The following PCDHA1 variants were observed in gnomAD, a reference collection of about 807,000 sequenced individuals.
The protein encoded by PCDHA1 is protocadherin alpha 1, also known as protocadherin alpha-1.
Under a neutral mutation model 61.3 loss-of-function variants are expected in PCDHA1, and 42 were observed. The ratio of observed to expected loss-of-function variants is 0.69; its 90% CI spans 0.54 to 0.89. The LOEUF (loss-of-function observed/expected upper bound fraction) is 0.89. Among genes scored for constraint, PCDHA1 ranks in the 40% least tolerant of loss-of-function variants. The pLI is 0.00. For missense variants in PCDHA1, 1,256 were observed against 1,235.3 expected, an observed-to-expected ratio of 1.02 and a Z score of -0.25; for synonymous variants, 610 against 553.8, an observed-to-expected ratio of 1.10 and a Z score of -1.43.
In PCDHA1 at chr5:140,862,417, T is replaced by G. The variant is rs77196804; in HGVS notation, c.2394+73733T>G. ...GCTGGTGTCTACCTTCAAAAGGCGCTGCCCAGAAACTATTCGTTGGTACTC... is the reference window on the plus strand; with the variant it reads ...GCTGGTGTCTACCTTCAAAAGGCGCGGCCCAGAAACTATTCGTTGGTACTC... On this transcript the variant is annotated intron_variant, in intron 1 of 3. Coordinates refer to ENST00000504120, the MANE Select transcript of PCDHA1 (RefSeq NM_018900.4). 1.4e-3 allele frequency: 485 copies of G among 351,378 alleles called. 3 individuals are homozygous for G. Among genetic ancestry groups the G allele is most frequent in the African/African-American group, 9.6e-3 (451 of 46,736 alleles). 21.8% of individuals were successfully genotyped at this position (351,378 alleles called of 1,614,324 possible).
At chr5:140,952,789 A>T (rs564361136) in intron 1 of PCDHA1, among the ~76,000 whole-genome samples, 1 of 152,316 alleles carries the variant, frequency 6.6e-6, no homozygotes, top group South Asian at 2.1e-4. Context: ...AAAGAGGTTT[A>T]ACTGGCTCGC....
chr5:140,980,091 T>A (rs2096876102), intron 2 of PCDHA1, among the ~76,000 whole-genome samples: 1 of 152,218 alleles, frequency 6.6e-6, no homozygotes, highest in Non-Finnish European at 1.5e-5. Flanking sequence ...GTAGTTGGCT[T>A]GGTAAGATGT....
chr5:140,901,611 T>C (rs1261733801), intron 1 of PCDHA1, among the ~76,000 whole-genome samples: 1 of 152,204 alleles, frequency 6.6e-6, no homozygotes, highest in Non-Finnish European at 1.5e-5. Flanking sequence ...ATCTCTATGG[T>C]ATAATTTGAA....
At chr5:140,824,015 G>T in intron 1 of PCDHA1, 1 of 1,614,132 alleles carries the variant, frequency 6.2e-7, no homozygotes, top group Non-Finnish European at 8.5e-7. Flanking sequence ...GTGGGGAGCT[G>T]GTCGTACTCG....
chr5:140,786,634 A>G lies in PCDHA1; in HGVS notation c.344A>G (p.Gln115Arg), dbSNP rs782665594. The G allele has an allele frequency of 3.1e-6, 5 of 1,614,252 alleles. No homozygotes were observed. In the East Asian group the frequency reaches 1.1e-4, roughly 36 times the overall value. Residue 115 changes from glutamine to arginine, a missense_variant, in exon 1 of 4, where the codon CAG becomes CGG. Gln to Arg is a conservative substitution (Grantham distance 43). Coordinates refer to ENST00000504120, the MANE Select transcript of PCDHA1 (RefSeq NM_018900.4). ...GAGTTGATCGCCGACAGGCCGCTGC[A>G]GGTTTTCCATGTGGAGGTGAAGGTG... The part of the protein sequence containing the change: ...HLELIADRPL[Q>R]VFHVEVKVKD...
At chr5:140,926,888 G>A in intron 1 of PCDHA1, 1 of 1,544,494 alleles carries the variant, frequency 6.5e-7, no homozygotes, top group Non-Finnish European at 8.7e-7. Flanking sequence ...ACGCCTAGAG[G>A]GAGGATGGTG....
intron 1 of PCDHA1, chr5:140,803,257 CG>C: frequency 6.2e-7 from 1 of 1,613,906 alleles, no homozygotes; most frequent in Non-Finnish European, 8.5e-7. Context: ...GCTGGCGCCA[CG>C]GGCCCGGAAG....
In PCDHA1 at chr5:140,822,136, G is replaced by A. The variant is rs143698188; in HGVS notation, c.2394+33452G>A. ...GCTGCAGGTTTTCCATGTGGAGGTGGCAGTGAAGGACATCAATGACAATCC... is the reference window on the plus strand; with the variant it reads ...GCTGCAGGTTTTCCATGTGGAGGTGACAGTGAAGGACATCAATGACAATCC... On this transcript the variant is annotated intron_variant, in intron 1 of 3. Coordinates refer to ENST00000504120, the MANE Select transcript of PCDHA1 (RefSeq NM_018900.4). The A allele has an allele frequency of 3.1e-5, 50 of 1,614,138 alleles. No homozygotes were observed. In the African/African-American group the frequency reaches 6.0e-4, roughly 19 times the overall value.
chr5:140,918,006 TG>T (rs1358735901), intron 1 of PCDHA1, among the ~76,000 whole-genome samples: 6 of 152,208 alleles, frequency 3.9e-5, no homozygotes, highest in Non-Finnish European at 7.3e-5. Flanking sequence ...TTAACAATGT[TG>T]TTTCTTCCTA....
chr5:140,887,101 C>CT (rs200717289), intron 1 of PCDHA1, among the ~76,000 whole-genome samples: 1,545 of 145,196 alleles, frequency 0.011, 15 homozygotes, highest in African/African-American at 0.022. Flanking sequence ...ATCTTTATCT[C>CT]TTTTTTTTTT....
rs546551059 is a variant in PCDHA1, at chr5:140,918,074, G to A, written c.2395-60875G>A. Among the ~76,000 whole-genome samples, 10 of 152,214 alleles carry A rather than the reference G, an allele frequency of 6.6e-5. No individual in the cohort carries two copies. The East Asian group carries it at 1.9e-3, about 29-fold the overall frequency. On this transcript the variant is annotated intron_variant, in intron 1 of 3. Transcript: ENST00000504120. ...TTATCATCTCTGATTTCTTTCAGTA[G>A]TGTTTTATAATTCTTTTTATAGAGA...
At chr5:140,801,600 A>G (rs377695293) in intron 1 of PCDHA1, 48 of 1,614,008 alleles carry the variant, frequency 3.0e-5, no homozygotes, top group Middle Eastern at 1.6e-4. Flanking sequence ...AGTTTTTCCA[A>G]TGGCTGTAAA....
intron 1 of PCDHA1, among the ~76,000 whole-genome samples, chr5:140,941,983 A>G (rs2093212614): frequency 6.6e-6 from 1 of 152,198 alleles, no homozygotes; most frequent in Non-Finnish European, 1.5e-5. Context: ...CTAAACCTTG[A>G]TAAGGGATTC....
At chr5:140,876,753 G>A in intron 1 of PCDHA1, 2 of 1,614,246 alleles carry the variant, frequency 1.2e-6, no homozygotes, top group Non-Finnish European at 1.7e-6. Flanking sequence ...TGGTGACTGC[G>A]CGGGATGGGG....
At chr5:140,828,813 C>T in intron 1 of PCDHA1, 1 of 1,614,220 alleles carries the variant, frequency 6.2e-7, no homozygotes. Flanking sequence ...AATGCTCCCA[C>T]TTTCGAACAG....
intron 1 of PCDHA1, chr5:140,841,629 G>T: frequency 6.2e-7 from 1 of 1,614,156 alleles, no homozygotes; most frequent in Non-Finnish European, 8.5e-7. Flanking sequence ...GCGGAGTGCA[G>T]CATCCACCTG....
chr5:140,907,167 T>C (rs1200819434), intron 1 of PCDHA1, among the ~76,000 whole-genome samples: 3 of 152,166 alleles, frequency 2.0e-5, no homozygotes, highest in Non-Finnish European at 4.4e-5. Context: ...ATATATTGGA[T>C]GCTGATTCAG....
Position 140,830,403 on chromosome 5 carries a change from C to T in PCDHA1, c.2394+41719C>T, listed in dbSNP as rs142523844. 231 of 1,614,096 alleles carry T rather than the reference C, an allele frequency of 1.4e-4. No homozygotes were observed. The African/African-American group carries it at 1.9e-3, about 14-fold the overall frequency. The stretch of plus-strand genomic sequence containing the variant: ...GGCCCACCCAAGATGGATCTCATGG[C>T]CTTTAGCCCCAGCCTTTCACCTTGT... On this transcript the variant is annotated intron_variant, in intron 1 of 3. Transcript: ENST00000504120.
intron 1 of PCDHA1, among the ~76,000 whole-genome samples, chr5:140,896,927 A>G (rs1453519374): frequency 6.6e-6 from 1 of 152,212 alleles, no homozygotes; most frequent in Non-Finnish European, 1.5e-5. Flanking sequence ...TAATCACATC[A>G]TGGAAAATGG....
Sources: allele counts gnomAD v4.1 joint callset (sites outside exome capture counted in the v4.1 genomes callset), GRCh38; gene constraint gnomAD v4.1.1; transcripts MANE v1.5; gene names NCBI Gene and HGNC (gene_info 2026-07-23, HGNC 2026-07-21).